RGL1: variants seen among roughly 807,000 people sequenced by gnomAD.
The protein encoded by RGL1 is ral guanine nucleotide dissociation stimulator like 1.
A neutral mutation model predicts 95.2 loss-of-function variants in RGL1; 24 were observed. The ratio of observed to expected loss-of-function variants is 0.25; its 90% CI spans 0.18 to 0.35. The LOEUF is 0.35. RGL1 is among the 10% of genes least tolerant of loss of function. The pLI, the probability that RGL1 is intolerant of heterozygous loss-of-function variation, is 1.00. For synonymous variants in RGL1, 329 were observed against 344.9 expected (o/e 0.95, Z 0.51); for missense variants, 715 against 936.3 (o/e 0.76, Z 3.08).
At chr1:183,776,141 A>G (rs78666965) in intron 2 of RGL1, among the ~76,000 whole-genome samples, 3 of 88,802 alleles carry the variant, frequency 3.4e-5, no homozygotes, top group Admixed American at 2.7e-4. Flanking sequence ...GGGAATACAG[A>G]TTTTTTTTTT....
In RGL1 at chr1:183,835,832, C is replaced by G. The variant is rs1261071297; in HGVS notation, c.139-11734C>G. Among the ~76,000 whole-genome samples the G allele has an allele frequency of 2.6e-5, 4 of 152,170 alleles. No homozygotes were observed. In the East Asian group the frequency reaches 5.8e-4, roughly 22 times the overall value. On this transcript the variant is annotated intron_variant, in intron 2 of 17. Coordinates refer to ENST00000360851, the MANE Select transcript of RGL1 (RefSeq NM_001297671.3). ...CCTTAGATCTATTATCTAACTTTCT[C>G]TTTCTTACAAAAATCCTATGAAGTC...
At chr1:183,694,625 A>G (rs1034582203) in intron 1 of RGL1, among the ~76,000 whole-genome samples, 3 of 152,178 alleles carry the variant, frequency 2.0e-5, no homozygotes, top group African/African-American at 7.2e-5. Context: ...GAGTTGAACC[A>G]TTGGGTAGAG....
chr1:183,642,488 A>G (rs1649992322), intron 1 of RGL1, among the ~76,000 whole-genome samples: 1 of 152,238 alleles, frequency 6.6e-6, no homozygotes, highest in Admixed American at 6.5e-5. Context: ...ATTCCAAATT[A>G]TAATACTTAC....
At chr1:183,666,899 A>G (rs2102041352) in intron 1 of RGL1, among the ~76,000 whole-genome samples, 1 of 152,268 alleles carries the variant, frequency 6.6e-6, no homozygotes, top group Admixed American at 6.5e-5. Flanking sequence ...CTATTTCCTT[A>G]CTGATTTTCT....
At chr1:183,686,994 C>T (rs886624683) in intron 1 of RGL1, among the ~76,000 whole-genome samples, 1 of 152,172 alleles carries the variant, frequency 6.6e-6, no homozygotes, top group Non-Finnish European at 1.5e-5. Flanking sequence ...TGGTTTTTCT[C>T]TTCTTCAAGC....
intron 2 of RGL1, among the ~76,000 whole-genome samples, chr1:183,787,527 G>A (rs1307044797): frequency 6.6e-6 from 1 of 152,140 alleles, no homozygotes; most frequent in Non-Finnish European, 1.5e-5. Flanking sequence ...CCTGTCCCCA[G>A]ACATGTGCCA....
intron 3 of RGL1, among the ~76,000 whole-genome samples, chr1:183,850,230 A>G (rs1664750372): frequency 1.3e-5 from 2 of 152,052 alleles, no homozygotes; most frequent in African/African-American, 4.8e-5. Flanking sequence ...CTTTTCATCT[A>G]ATTATTGATT....
intron 1 of RGL1, among the ~76,000 whole-genome samples, chr1:183,655,363 A>C (rs1052031557): frequency 1.3e-5 from 2 of 152,260 alleles, no homozygotes; most frequent in Non-Finnish European, 2.9e-5. Context: ...TAAAATGTTA[A>C]AGTTTTATTT....
rs12080714 is a variant in RGL1 at position 183,773,685 on chromosome 1, G to A, written c.132+31396G>A. Among the ~76,000 whole-genome samples the A allele has an allele frequency of 1.8e-3, 272 of 152,304 alleles. 6 individuals carry two copies. The East Asian group carries it at 0.041, about 23-fold the overall frequency. Reference sequence around the variant, plus strand: ...AATAGCCTGATGAAAAGAGTCCTTAGCATGCAGGAGTCTTCCCACTCTGAT... The same window carrying A: ...AATAGCCTGATGAAAAGAGTCCTTAACATGCAGGAGTCTTCCCACTCTGAT... On this transcript the variant is annotated intron_variant, in intron 2 of 18. Transcript: ENST00000304685.
chr1:183,816,904 G>A (rs148143530), intron 2 of RGL1, among the ~76,000 whole-genome samples: 3 of 152,078 alleles, frequency 2.0e-5, no homozygotes, highest in Admixed American at 1.3e-4. Context: ...CAGGTGCATC[G>A]AGAATGCAGA....
At chr1:183,688,059 T>C (rs1653721052) in intron 1 of RGL1, among the ~76,000 whole-genome samples, 1 of 152,196 alleles carries the variant, frequency 6.6e-6, no homozygotes, top group South Asian at 2.1e-4. Context: ...AGGCTTGTTA[T>C]TTCTGTTGGT....
rs34336567 is a variant in RGL1 at position 183,724,964 on chromosome 1, A to AAC, written c.-32-17145_-32-17144dup. The stretch of plus-strand genomic sequence containing the variant: ...TCTCTCCCCCAGCTCTAGGCACCAC[A>AAC]ACACACACACACACACACGGAGGGA... On this transcript the variant is annotated intron_variant, in intron 1 of 18. Transcript: ENST00000304685. This position sits in a 1 kb window ranked among gnomAD's most constrained non-coding sequence, Gnocchi z 4.1. Among the ~76,000 whole-genome samples the AAC allele has an allele frequency of 3.1e-3, 463 of 149,556 alleles. 6 individuals carry two copies. The East Asian group carries it at 0.043, about 14-fold the overall frequency.
intron 4 of RGL1, among the ~76,000 whole-genome samples, chr1:183,875,292 A>T (rs1409371705): frequency 1.3e-5 from 2 of 152,204 alleles, no homozygotes; most frequent in Non-Finnish European, 2.9e-5. Flanking sequence ...AGGTGACTTC[A>T]TACCTGAAAA....
At chr1:183,876,959 C>G (rs1666530565) in intron 4 of RGL1, among the ~76,000 whole-genome samples, 1 of 152,184 alleles carries the variant, frequency 6.6e-6, no homozygotes, top group African/African-American at 2.4e-5. Context: ...ATGTTTCTCT[C>G]CAGGTATCTC....
intron 4 of RGL1, among the ~76,000 whole-genome samples, chr1:183,878,846 T>A (rs1666667320): frequency 6.6e-6 from 1 of 152,202 alleles, no homozygotes; most frequent in African/African-American, 2.4e-5. Context: ...AATTATCACC[T>A]CTCCATATCT....
chr1:183,883,765 A>G (rs373870030), intron 5 of RGL1, 21 bp from the exon 6 acceptor site: 175 of 1,613,366 alleles, frequency 1.1e-4, no homozygotes, highest in Non-Finnish European at 1.4e-4. Flanking sequence ...CAAATTACTA[A>G]TCTTTTCCAT....
chr1:183,663,625 C>G (rs1377109556), intron 1 of RGL1, among the ~76,000 whole-genome samples: 1 of 151,956 alleles, frequency 6.6e-6, no homozygotes, highest in Non-Finnish European at 1.5e-5. Context: ...GGACTGTAAA[C>G]TAGTTCAACC....
At chr1:183,668,019 G>GTA (rs908365628) in intron 1 of RGL1, among the ~76,000 whole-genome samples, 178 of 109,262 alleles carry the variant, frequency 1.6e-3, no homozygotes, top group African/African-American at 5.2e-3. Context: ...GTGTGTGTGT[G>GTA]TGTGTGTCTG....
intron 2 of RGL1, among the ~76,000 whole-genome samples, chr1:183,836,258 CT>C (rs373863179): frequency 1.3e-4 from 19 of 147,568 alleles, no homozygotes; most frequent in Admixed American, 2.0e-4. Flanking sequence ...CTTTTCTTTT[CT>C]TTTTTTTTTA....
Sources: gnomAD v4.1 joint callset for allele counts (sites outside exome capture counted in the v4.1 genomes callset) on GRCh38, gnomAD v4.1.1 for gene constraint, Gnocchi (gnomAD v3.1) non-coding constraint, MANE v1.5 for transcripts, NCBI Gene and HGNC (gene_info 2026-07-23, HGNC 2026-07-21) for gene names.